The following ANO2 variants were observed in gnomAD, a reference collection of about 807,000 sequenced individuals.
ANO2 encodes the protein anoctamin-2.
A neutral mutation model predicts 124.2 loss-of-function variants in ANO2; 101 were observed. The ratio of observed to expected loss-of-function variants is 0.81; its 90% CI spans 0.69 to 0.96. The LOEUF is 0.96. Among genes scored for constraint, ANO2 ranks in the 40% least tolerant of loss-of-function variants. ANO2 has a pLI of 0.00. For missense variants in ANO2, 1,293 were observed against 1,274.5 expected, an observed-to-expected ratio of 1.01 and a Z score of -0.22; for synonymous variants, 486 against 482.5, an observed-to-expected ratio of 1.01 and a Z score of -0.09.
chr12:5,611,071 A>G (rs1245132942), intron 19 of ANO2, among the ~76,000 whole-genome samples: 1 of 150,310 alleles, frequency 6.7e-6, no homozygotes, highest in African/African-American at 2.5e-5. Context: ...CCAGGGTTCA[A>G]GCAATTCTCC....
At chr12:5,606,190 T>G (rs1484517809) in intron 19 of ANO2, among the ~76,000 whole-genome samples, 1 of 152,178 alleles carries the variant, frequency 6.6e-6, no homozygotes, top group Non-Finnish European at 1.5e-5. Context: ...TCCACAGTGG[T>G]CCTGTCTGGG....
At chr12:5,611,942 G>C (rs1171060071) in intron 19 of ANO2, among the ~76,000 whole-genome samples, 1 of 152,186 alleles carries the variant, frequency 6.6e-6, no homozygotes, top group Non-Finnish European at 1.5e-5. Context: ...CTAGCTTTCT[G>C]ATGCTGGGCT....
chr12:5,694,539 G>T (rs1329972566), intron 14 of ANO2, among the ~76,000 whole-genome samples: 1 of 152,128 alleles, frequency 6.6e-6, no homozygotes, highest in Non-Finnish European at 1.5e-5. Flanking sequence ...TCCTTCATAT[G>T]CCACTAACTA....
At chr12:5,670,992 C>T (rs1420608334) in intron 14 of ANO2, among the ~76,000 whole-genome samples, 5 of 152,186 alleles carry the variant, frequency 3.3e-5, no homozygotes, top group African/African-American at 1.2e-4. Context: ...CCCAGGTTCC[C>T]TGCCTCCATG....
chr12:5,753,855 CTT>C (rs1430987952), intron 10 of ANO2, among the ~76,000 whole-genome samples: 1 of 152,022 alleles, frequency 6.6e-6, no homozygotes, highest in Admixed American at 6.6e-5. Flanking sequence ...TTACTTCTTC[CTT>C]TCCAATTTGA....
At chr12:5,777,891 G>A (rs1200867894) in intron 10 of ANO2, among the ~76,000 whole-genome samples, 1 of 152,156 alleles carries the variant, frequency 6.6e-6, no homozygotes, top group Non-Finnish European at 1.5e-5. Flanking sequence ...GCCCCCAAAT[G>A]TCAAACACTG....
chr12:5,892,185 G>A (rs540513734), intron 3 of ANO2, among the ~76,000 whole-genome samples: 1 of 152,142 alleles, frequency 6.6e-6, no homozygotes, highest in South Asian at 2.1e-4. Context: ...AGTGACAGAG[G>A]AGTCAGTATA....
chr12:5,831,051 A>G (rs1198880313), intron 5 of ANO2, among the ~76,000 whole-genome samples: 4 of 152,226 alleles, frequency 2.6e-5, no homozygotes, highest in African/African-American at 9.6e-5. Flanking sequence ...TAATTATGCA[A>G]GGGCTGGGTC....
intron 3 of ANO2, among the ~76,000 whole-genome samples, chr12:5,881,451 C>T (rs767670065): frequency 4.6e-5 from 7 of 152,148 alleles, no homozygotes; most frequent in South Asian, 2.1e-4. Flanking sequence ...TCAGATCAAA[C>T]TCAATGATCA....
At chr12:5,780,679 C>T (rs767098335) in intron 10 of ANO2, among the ~76,000 whole-genome samples, 13 of 152,094 alleles carry the variant, frequency 8.5e-5, no homozygotes, top group Non-Finnish European at 1.8e-4. Context: ...GTGTACGTGG[C>T]CGCAGGAGGA....
intron 20 of ANO2, among the ~76,000 whole-genome samples, chr12:5,586,694 T>C (rs761623906): frequency 2.1e-4 from 32 of 152,366 alleles, no homozygotes; most frequent in Non-Finnish European, 3.8e-4. Flanking sequence ...CTTTAATAAG[T>C]GTCCACTTTC....
At chr12:5,814,834 A>G (rs1466517756) in intron 7 of ANO2, among the ~76,000 whole-genome samples, 1 of 152,246 alleles carries the variant, frequency 6.6e-6, no homozygotes, top group Non-Finnish European at 1.5e-5. Flanking sequence ...GTTAAAAAGC[A>G]ATGACAAAGA....
chr12:5,918,109 G>T (rs960863482), intron 3 of ANO2, among the ~76,000 whole-genome samples: 37 of 147,370 alleles, frequency 2.5e-4, no homozygotes, highest in South Asian at 2.2e-4. Flanking sequence ...TAAGTTCCTG[G>T]AGCGAGAATG....
chr12:5,697,823 C>T (rs1011086955), intron 14 of ANO2, among the ~76,000 whole-genome samples: 13 of 152,218 alleles, frequency 8.5e-5, no homozygotes, highest in Admixed American at 1.3e-4. Context: ...GCACCTGGCT[C>T]GGAGGGTCCC....
chr12:5,581,032 T>C (rs1438892690), intron 20 of ANO2, among the ~76,000 whole-genome samples: 1 of 152,178 alleles, frequency 6.6e-6, no homozygotes, highest in Non-Finnish European at 1.5e-5. Context: ...GCAGGATCTC[T>C]CTCATCTTTT....
intron 15 of ANO2, among the ~76,000 whole-genome samples, chr12:5,641,223 AG>A (rs912397614): frequency 4.9e-5 from 3 of 60,774 alleles, no homozygotes; most frequent in African/African-American, 1.7e-4. Context: ...GGGGCCTGTC[AG>A]GGGGTGGGGG....
At chr12:5,735,013 A>G (rs1950799897) in intron 13 of ANO2, among the ~76,000 whole-genome samples, 1 of 152,162 alleles carries the variant, frequency 6.6e-6, no homozygotes, top group Non-Finnish European at 1.5e-5. Flanking sequence ...TCCGAAACTC[A>G]AAGAAGAGAC....
intron 20 of ANO2, among the ~76,000 whole-genome samples, chr12:5,591,565 T>G (rs1943394757): frequency 6.6e-6 from 1 of 152,172 alleles, no homozygotes; most frequent in Non-Finnish European, 1.5e-5. Context: ...TAAGGGAAAT[T>G]CAGCCTGTGT....
chr12:5,612,783 C>G (rs769155806), intron 18 of ANO2, 27 bp from the exon 19 acceptor site: 2 of 1,612,270 alleles, frequency 1.2e-6, no homozygotes, highest in African/African-American at 2.7e-5. Flanking sequence ...AGGAAAGGAC[C>G]GGTTAGAACA....
Sources: allele counts gnomAD v4.1 joint callset (sites outside exome capture counted in the v4.1 genomes callset), GRCh38; gene constraint gnomAD v4.1.1; transcripts MANE v1.5; gene names NCBI Gene and HGNC (gene_info 2026-07-23, HGNC 2026-07-21).